TXLNG: variants seen among roughly 807,000 people sequenced by gnomAD.
TXLNG encodes the protein gamma-taxilin.
A neutral mutation model predicts 38.8 loss-of-function variants in TXLNG; 5 were observed. The ratio of observed to expected loss-of-function variants is 0.13; its 90% CI spans 0.07 to 0.27. TXLNG has a LOEUF of 0.27. TXLNG is among the 10% of genes least tolerant of loss of function. The pLI, the probability that TXLNG is intolerant of heterozygous loss-of-function variation, is 1.00. For synonymous variants in TXLNG, 182 were observed against 158.2 expected (o/e 1.15, Z -1.13); for missense variants, 393 against 398.2 (o/e 0.99, Z 0.11).
At chrX:16,828,478 CCTTAGTTGCCTCATA>C (rs779856502) in intron 4 of TXLNG, among the ~76,000 whole-genome samples, 6 of 112,021 alleles carry the variant, frequency 5.4e-5, no homozygotes, top group Non-Finnish European at 1.1e-4. Flanking sequence ...AGGAAGAGCA[CCTTAGTTGCCTCATA>C]CTTGGCTCCC....
rs143160658 is a variant in TXLNG, at chrX:16,837,136, C to T, written c.1060-457C>T. On this transcript the variant is annotated intron_variant, in intron 7 of 9. Transcript: ENST00000380122. ...CGTTTTCTTTTAATTTTACTCTCAC[C>T]GAATTCTTCTTCCCCAACCAAACCA... Among the ~76,000 whole-genome samples the T allele has an allele frequency of 3.9e-4, 44 of 111,750 alleles. 1 individual carries two copies. The East Asian group carries it at 0.01, about 26-fold the overall frequency.
chrX:16,814,972 C>G (rs1928677711), intron 1 of TXLNG, among the ~76,000 whole-genome samples: 1 of 111,862 alleles, frequency 8.9e-6, no homozygotes, highest in South Asian at 3.7e-4. Flanking sequence ...TCTCATTCCT[C>G]AAGTAGCCTC....
At chrX:16,804,505 C>T (rs1262995148) in intron 1 of TXLNG, among the ~76,000 whole-genome samples, 1 of 109,521 alleles carries the variant, frequency 9.1e-6, no homozygotes, top group African/African-American at 3.3e-5. Flanking sequence ...GCCCCCCACC[C>T]CCCGCCAAAA....
In TXLNG at chrX:16,833,486, G is replaced by A. The variant is rs180835608; in HGVS notation, c.984+744G>A. The stretch of plus-strand genomic sequence containing the variant: ...AGTTCCTGAGTGGCCCTCGTCATGC[G>A]GGCATGTCACACTGAGTGCATCTAG... On this transcript the variant is annotated intron_variant, in intron 6 of 9. Coordinates refer to ENST00000380122, the MANE Select transcript of TXLNG (RefSeq NM_018360.3). Among the ~76,000 whole-genome samples the A allele has an allele frequency of 2.0e-3, 225 of 111,954 alleles. 1 individual carries two copies. The highest frequency in any genetic ancestry group is 7.1e-3 in the African/African-American group (219 of 30,829).
intron 7 of TXLNG, among the ~76,000 whole-genome samples, chrX:16,837,024 T>C (rs938597791): frequency 6.3e-5 from 7 of 111,477 alleles, no homozygotes; most frequent in African/African-American, 2.3e-4. Context: ...ATTTTATATT[T>C]TGCTTGCCTT....
In TXLNG at chrX:16,801,649, A is replaced by G. The variant is rs780265278; in HGVS notation, c.102+15060A>G. ...AAGGCAACCTACCTTTCTCCCAAAGATAGTGATTTCTTTAGCGTTATGATA... is the reference window on the plus strand; with the variant it reads ...AAGGCAACCTACCTTTCTCCCAAAGGTAGTGATTTCTTTAGCGTTATGATA... On this transcript the variant is annotated intron_variant, in intron 1 of 9. Transcript: ENST00000380122. 4.5e-5 allele frequency among the ~76,000 whole-genome samples: 5 copies of G among 111,883 alleles called. No homozygotes were observed. The South Asian group carries it at 1.9e-3, about 41-fold the overall frequency.
intron 3 of TXLNG, among the ~76,000 whole-genome samples, chrX:16,822,112 G>A (rs1291881969): frequency 1.8e-5 from 2 of 110,243 alleles, no homozygotes; most frequent in Admixed American, 1.9e-4. Context: ...GCCGAGGTGG[G>A]TGGATCACGA....
At chrX:16,801,543 G>A (rs951181077) in intron 1 of TXLNG, among the ~76,000 whole-genome samples, 11 of 111,458 alleles carry the variant, frequency 9.9e-5, no homozygotes, top group African/African-American at 3.3e-4. Flanking sequence ...TTTCCATTAC[G>A]CTTACCTGAA....
intron 7 of TXLNG, 24 bp from the exon 8 acceptor site, chrX:16,837,569 T>A: frequency 1.8e-6 from 2 of 1,113,700 alleles, no homozygotes; most frequent in Non-Finnish European, 1.2e-6. Context: ...GAACTCAGAA[T>A]GTTTCATACT....
chrX:16,841,413 T>C lies in TXLNG; in HGVS notation c.1249-15T>C. 4.3e-6 allele frequency: 5 copies of C among 1,175,189 alleles called. No individual in the cohort carries two copies. The highest frequency in any genetic ancestry group is 5.7e-6 in the Non-Finnish European group (5 of 877,621). On this transcript the variant is annotated splice_polypyrimidine_tract_variant and intron_variant, in intron 9 of 9. Transcript: ENST00000380122. ...ATATTTAACAGGGTTACAGAAATCC[T>C]CTTTTTTCTTACAGAAAACAGTCCG...
intron 1 of TXLNG, among the ~76,000 whole-genome samples, chrX:16,812,684 G>T (rs1440273570): frequency 7.6e-4 from 76 of 99,969 alleles, no homozygotes; most frequent in Non-Finnish European, 1.2e-3. Context: ...GAGCCACTGC[G>T]GCCAGCCTTT....
chrX:16,828,572 G>C (rs755041700), intron 4 of TXLNG, among the ~76,000 whole-genome samples: 1 of 111,857 alleles, frequency 8.9e-6, no homozygotes, highest in South Asian at 3.7e-4. Context: ...CCAGTTTTCT[G>C]CTGAGCACTG....
In TXLNG at chrX:16,842,644, G is replaced by T. The variant is rs1332177185; in HGVS notation, c.*878G>T. On this transcript the variant is annotated 3_prime_UTR_variant, in exon 10 of 10. Transcript: ENST00000380122. The stretch of plus-strand genomic sequence containing the variant: ...AAAGACAAGGACGGTCAATTCACGT[G>T]TCACTTTCACTAGGCAGAAGTTTCT... 8.9e-6 allele frequency: 1 copy of T among 112,466 alleles called. No homozygotes were observed. Among genetic ancestry groups the T allele is most frequent in the Admixed American group, 9.4e-5 (1 of 10,622 alleles). 9.3% of individuals were successfully genotyped at this position (112,466 alleles called of 1,213,427 possible). A position where few individuals can be genotyped will look rare whatever the true frequency, so the allele number is the denominator to read the frequency against.
chrX:16,833,247 T>G (rs1569272033), intron 6 of TXLNG, among the ~76,000 whole-genome samples: 1 of 112,614 alleles, frequency 8.9e-6, no homozygotes, highest in Non-Finnish European at 1.9e-5. Context: ...TGATAAAATT[T>G]AAACAGAATT....
rs1332588305 is a variant in TXLNG, at chrX:16,841,767, G to C, written c.*1G>C. ...TCCGGCCATCGAGTCGGTTGACTAA[G>C]ATGAGGTGTGATCACTGTATTGAGA... On this transcript the variant is annotated 3_prime_UTR_variant, in exon 10 of 10. Transcript: ENST00000380122. 8.3e-7 allele frequency: 1 copy of C among 1,203,324 alleles called. No homozygotes were observed. Among genetic ancestry groups the C allele is most frequent in the South Asian group, 1.8e-5 (1 of 55,791 alleles).
intron 1 of TXLNG, among the ~76,000 whole-genome samples, chrX:16,816,290 C>T (rs1475784306): frequency 9.0e-6 from 1 of 111,266 alleles, no homozygotes; most frequent in African/African-American, 3.3e-5. Context: ...GCCACCTTGC[C>T]CGGCCTATTA....
rs767956160 is a variant in TXLNG at position 16,828,168 on chromosome X, A to G, written c.573A>G (p.Lys191=). ...AGCAAGCCCAGATTGTGAAAGAGAA[A>G]GTTCACTTGCAGAGTGAACATAGCA... The part of the protein sequence containing the change: ...QKKQAQIVKE[K]VHLQSEHSKA... The change falls in exon 4 of 10, where the codon AAA becomes AAG. Residue 191 remains lysine (K), a synonymous_variant. Transcript: ENST00000380122. The G allele has an allele frequency of 6.6e-6, 8 of 1,209,589 alleles. No individual in the cohort carries two copies. Among genetic ancestry groups the G allele is most frequent in the African/African-American group, 1.7e-5 (1 of 57,273 alleles).
At chrX:16,826,616 C>T (rs1470514495) in intron 3 of TXLNG, among the ~76,000 whole-genome samples, 5 of 111,117 alleles carry the variant, frequency 4.5e-5, no homozygotes, top group Admixed American at 3.8e-4. Flanking sequence ...TTGATGGTAT[C>T]GACTCCTAAA....
rs1180219865 is a variant in TXLNG at position 16,841,541 on chromosome X, C to G, written c.1362C>G (p.Val454=). 2.5e-6 allele frequency: 3 copies of G among 1,211,784 alleles called. No individual in the cohort carries two copies. Among genetic ancestry groups the G allele is most frequent in the Non-Finnish European group, 3.3e-6 (3 of 895,557 alleles). Residue 454 remains valine (V), a synonymous_variant, in exon 10 of 10, where the codon GTC becomes GTG. Coordinates refer to ENST00000380122, the MANE Select transcript of TXLNG (RefSeq NM_018360.3). ...ERNELNEKVE[V]LKEQVSIKAA... is the part of the protein sequence containing the mutation. ...ATGAGCTCAATGAGAAGGTGGAAGT[C>G]CTGAAAGAGCAGGTATCCATCAAAG...
Sources: allele counts gnomAD v4.1 joint callset (sites outside exome capture counted in the v4.1 genomes callset), GRCh38; gene constraint gnomAD v4.1.1; transcripts MANE v1.5; gene names NCBI Gene and HGNC (gene_info 2026-07-23, HGNC 2026-07-21).